Variants in TMEM184B observed in about 807,000 individuals in gnomAD.
TMEM184B encodes the protein putative MAPK-activating protein FM08.
In TMEM184B, 17 loss-of-function variants were observed where a neutral mutation model predicts 41.8. That is an observed-to-expected ratio of 0.41 (90% CI 0.28 to 0.61). TMEM184B has a LOEUF of 0.61. Ranked by LOEUF, TMEM184B falls within the 20% of genes least tolerant of loss-of-function variation. The pLI, the probability that TMEM184B is intolerant of heterozygous loss-of-function variation, is 0.34. For synonymous variants in TMEM184B, 240 were observed against 229.5 expected (o/e 1.05, Z -0.41); for missense variants, 393 against 557.8 (o/e 0.70, Z 2.98).
Position 38,220,684 on chromosome 22 carries a change from C to T in TMEM184B, c.*785G>A. The stretch of plus-strand genomic sequence containing the variant: ...GCAGCCAGGAAGCAAGGGCTCTGCC[C>T]AAAGCTATCGAGGAAGGACCCAAGT... On this transcript the variant is annotated 3_prime_UTR_variant, in exon 9 of 9. Transcript: ENST00000361906. 2.0e-6 allele frequency: 2 copies of T among 986,346 alleles called. No homozygotes were observed. The highest frequency in any genetic ancestry group is 2.4e-6 in the Non-Finnish European group (2 of 830,322). 61.1% of individuals were successfully genotyped at this position (986,346 alleles called of 1,614,324 possible).
chr22:38,258,845 T>C (rs1286164598), intron 1 of TMEM184B, among the ~76,000 whole-genome samples: 1 of 152,158 alleles, frequency 6.6e-6, no homozygotes, highest in Non-Finnish European at 1.5e-5. Flanking sequence ...TTCTGAATTC[T>C]AGAACAGCAG....
chr22:38,242,354 T>C (rs897795288), intron 3 of TMEM184B, among the ~76,000 whole-genome samples: 2 of 150,978 alleles, frequency 1.3e-5, no homozygotes, highest in Non-Finnish European at 2.9e-5. Flanking sequence ...GGCGTGTGCC[T>C]GTAGTCCCAG....
Position 38,226,859 on chromosome 22 carries a change from C to A in TMEM184B, c.537G>T (p.Gln179His). 1 of 1,595,046 alleles carries A rather than the reference C, an allele frequency of 6.3e-7. No individual in the cohort carries two copies. Among genetic ancestry groups the A allele is most frequent in the Non-Finnish European group, 8.5e-7 (1 of 1,170,928 alleles). Residue 179 changes from glutamine to histidine, a missense_variant, in exon 6 of 9, where the codon CAG becomes CAT. Around this residue, in one of 2 missense-constraint regions of TMEM184B, gnomAD observed 271 missense variants for 434.1 expected, o/e 0.62. Transcript: ENST00000361906. This position sits in a 1 kb window ranked among gnomAD's most constrained non-coding sequence, Gnocchi z 4.6. ...CCATGAGTGGCTTCACCACACAGAA[C>A]TGCAGGGTGGCCTGTTGGGGGGAAA... ...FLRFCKQATL[Q>H]FCVVKPLMAV... is the part of the protein sequence containing the mutation.
chr22:38,225,587 G>A lies in TMEM184B; in HGVS notation c.624C>T (p.Thr208=), dbSNP rs1221333275. 4 of 1,605,438 alleles carry A rather than the reference G, an allele frequency of 2.5e-6. No homozygotes were observed. Among genetic ancestry groups the A allele is most frequent in the Non-Finnish European group, 3.4e-6 (4 of 1,176,792 alleles). The change falls in exon 7 of 9, where the codon ACC becomes ACT. Residue 208 remains threonine, a synonymous_variant. Transcript: ENST00000361906. This position sits in a 1 kb window ranked among gnomAD's most constrained non-coding sequence, Gnocchi z 4.4. ...GKYRDGDFDV[T]SGYLYVTIIY... ...TGATGGTCACGTAGAGGTAGCCACT[G>A]GTGACGCTGCGGGACGGGGAGCATT...
Position 38,247,885 on chromosome 22 carries a change from A to G in TMEM184B, c.77T>C (p.Val26Ala). ...GGCAGTGGGGCTGCCCTCGGGGATC[A>G]CGGAGACGCTGGGCGAGGCTGCTGC... ...TTAAASPSVSVIPEGSPTAME... is the reference protein window; with the variant it reads ...TTAAASPSVSAIPEGSPTAME... Residue 26 changes from valine to alanine, a missense_variant, in exon 2 of 9, where the codon GTG (valine) becomes GCG (alanine). Physicochemically the swap from Val to Ala is moderately conservative, Grantham distance 64 (BLOSUM62 0). Transcript: ENST00000361906. 1 of 1,611,738 alleles carries G rather than the reference A, an allele frequency of 6.2e-7. No individual in the cohort carries two copies. The highest frequency in any genetic ancestry group is 8.5e-7 in the Non-Finnish European group (1 of 1,179,448).
intron 1 of TMEM184B, among the ~76,000 whole-genome samples, chr22:38,259,904 T>C (rs1030552833): frequency 3.4e-5 from 5 of 148,348 alleles, no homozygotes; most frequent in Non-Finnish European, 5.9e-5. Flanking sequence ...GCCTCCAGAG[T>C]AGCTGGGGTT....
chr22:38,256,570 ATC>A (rs2092283255), intron 1 of TMEM184B, among the ~76,000 whole-genome samples: 1 of 152,204 alleles, frequency 6.6e-6, no homozygotes, highest in African/African-American at 2.4e-5. Flanking sequence ...TAACCAATAA[ATC>A]TCTGATACAA....
intron 1 of TMEM184B, among the ~76,000 whole-genome samples, chr22:38,265,139 C>T (rs989880816): frequency 1.3e-5 from 2 of 152,188 alleles, no homozygotes; most frequent in East Asian, 1.9e-4. Context: ...GAAGTGGTCA[C>T]GAGACCTCTG....
chr22:38,224,726 G>A lies in TMEM184B; in HGVS notation c.982+59C>T, dbSNP rs1000754071. 8.0e-6 allele frequency: 12 copies of A among 1,504,844 alleles called. No homozygotes were observed. The East Asian group carries it at 1.9e-4, about 24-fold the overall frequency. 93.2% of individuals were successfully genotyped at this position (1,504,844 alleles called of 1,614,324 possible). ...GGATGCTGGGAGGTGGGAGGGTCCTGGGATGTTTGGGGCTCCCTGCTTCTC... is the reference window on the plus strand; with the variant it reads ...GGATGCTGGGAGGTGGGAGGGTCCTAGGATGTTTGGGGCTCCCTGCTTCTC... On this transcript the variant is annotated intron_variant, in intron 8 of 8. Coordinates refer to ENST00000361906, the MANE Select transcript of TMEM184B (RefSeq NM_012264.5).
intron 1 of TMEM184B, among the ~76,000 whole-genome samples, chr22:38,271,524 C>T (rs1402398218): frequency 6.6e-6 from 1 of 152,214 alleles, no homozygotes; most frequent in Non-Finnish European, 1.5e-5. Context: ...GTCAGTCATC[C>T]TTCAGGCTTC....
At chr22:38,227,978 C>A (rs557247172) in intron 5 of TMEM184B, among the ~76,000 whole-genome samples, 16 of 152,164 alleles carry the variant, frequency 1.1e-4, no homozygotes, top group Non-Finnish European at 2.1e-4. Flanking sequence ...GAGGTTAAAT[C>A]CAATCCAAAA....
At chr22:38,219,156 C>T (rs112900623), downstream of TMEM184B, 11 of 694,076 alleles carry the variant, frequency 1.6e-5, no homozygotes, top group African/African-American at 1.4e-4. Flanking sequence ...CCTATCAATC[C>T]GAACCCCCAT....
intron 1 of TMEM184B, among the ~76,000 whole-genome samples, chr22:38,270,770 G>T (rs2092510536): frequency 6.6e-6 from 1 of 152,196 alleles, no homozygotes; most frequent in South Asian, 2.1e-4. Flanking sequence ...TGCCTTGCCG[G>T]GGCTGTTTCC....
At chr22:38,267,799 C>G (rs1489793706) in intron 1 of TMEM184B, among the ~76,000 whole-genome samples, 1 of 152,126 alleles carries the variant, frequency 6.6e-6, no homozygotes, top group East Asian at 1.9e-4. Flanking sequence ...ACCCATCCAA[C>G]CATTCATTTG....
intron 3 of TMEM184B, among the ~76,000 whole-genome samples, chr22:38,233,793 A>G (rs2091698719): frequency 6.6e-6 from 1 of 151,978 alleles, no homozygotes; most frequent in Admixed American, 6.6e-5. Context: ...TTTTTGAGAC[A>G]GAGTCTCGCT....
chr22:38,248,705 A>G (rs2092096490), intron 1 of TMEM184B, among the ~76,000 whole-genome samples: 1 of 152,178 alleles, frequency 6.6e-6, no homozygotes, highest in Non-Finnish European at 1.5e-5. Context: ...CCCTGGGGAC[A>G]GCGGCTCTGT....
intron 1 of TMEM184B, among the ~76,000 whole-genome samples, chr22:38,262,806 G>A (rs756132819): frequency 1.3e-5 from 2 of 152,336 alleles, no homozygotes; most frequent in Non-Finnish European, 2.9e-5. Flanking sequence ...TTAGTGGTCT[G>A]GGGCCTGAGT....
At chr22:38,233,767 TTTTTTG>T in intron 3 of TMEM184B, among the ~76,000 whole-genome samples, 1 of 152,100 alleles carries the variant, frequency 6.6e-6, no homozygotes, top group African/African-American at 2.4e-5. Context: ...GTTGTTTTTG[TTTTTTG>T]TTTTTGCTTT....
intron 1 of TMEM184B, among the ~76,000 whole-genome samples, chr22:38,263,332 G>A (rs1201485723): frequency 6.6e-6 from 1 of 152,146 alleles, no homozygotes; most frequent in East Asian, 1.9e-4. Context: ...CCGACTTGCG[G>A]TGTCTGCCCA....
Sources: allele counts gnomAD v4.1 joint callset (sites outside exome capture counted in the v4.1 genomes callset), GRCh38; gene constraint gnomAD v4.1.1; regional missense constraint gnomAD v4.1.1; non-coding constraint Gnocchi (gnomAD v3.1); transcripts MANE v1.5; gene names NCBI Gene and HGNC (gene_info 2026-07-23, HGNC 2026-07-21).